PCDHA12: variants seen among roughly 807,000 people sequenced by gnomAD.
PCDHA12 encodes the protein protocadherin alpha 12.
Under a neutral mutation model 60.0 loss-of-function variants are expected in PCDHA12, and 44 were observed. That is an observed-to-expected ratio of 0.73 (90% CI 0.58 to 0.94). The LOEUF is 0.94. Ranked by LOEUF, PCDHA12 falls within the 40% of genes least tolerant of loss-of-function variation. PCDHA12 has a pLI of 0.00. For missense variants in PCDHA12, 1,276 were observed against 1,239.7 expected, an observed-to-expected ratio of 1.03 and a Z score of -0.44; for synonymous variants, 569 against 553.0, an observed-to-expected ratio of 1.03 and a Z score of -0.40.
intron 1 of PCDHA12, among the ~76,000 whole-genome samples, chr5:140,898,222 T>G (rs1373386970): frequency 1.3e-5 from 2 of 152,230 alleles, no homozygotes; most frequent in Non-Finnish European, 2.9e-5. Flanking sequence ...TTTTGGCTTT[T>G]GTTGCCATTG....
intron 1 of PCDHA12, among the ~76,000 whole-genome samples, chr5:140,960,799 A>C (rs2095571237): frequency 6.6e-6 from 1 of 152,170 alleles, no homozygotes; most frequent in Non-Finnish European, 1.5e-5. Flanking sequence ...TTTCTATTAA[A>C]ATAAGAGGTC....
intron 1 of PCDHA12, among the ~76,000 whole-genome samples, chr5:140,922,956 T>G (rs2081088317): frequency 6.6e-6 from 1 of 152,236 alleles, no homozygotes; most frequent in Non-Finnish European, 1.5e-5. Context: ...CCAGTTTGTC[T>G]TCAGCCAGTG....
At chr5:140,928,696 C>A in intron 1 of PCDHA12, 2 of 1,614,146 alleles carry the variant, frequency 1.2e-6, no homozygotes, top group South Asian at 2.2e-5. Flanking sequence ...CCACATCTCC[C>A]GGGCGTCTGA....
intron 1 of PCDHA12, among the ~76,000 whole-genome samples, chr5:140,895,035 C>T (rs1235775113): frequency 6.6e-6 from 1 of 152,104 alleles, no homozygotes; most frequent in East Asian, 1.9e-4. Context: ...AATTGTCCCC[C>T]ACCCACACCA....
At chr5:141,009,391 C>T (rs1006846075) in intron 3 of PCDHA12, among the ~76,000 whole-genome samples, 1 of 152,086 alleles carries the variant, frequency 6.6e-6, no homozygotes, top group Non-Finnish European at 1.5e-5. Context: ...CACAGGAGGT[C>T]GAGGCTGCAG....
intron 1 of PCDHA12, chr5:140,968,772 C>T (rs782257554): frequency 1.2e-6 from 2 of 1,614,180 alleles, no homozygotes; most frequent in South Asian, 1.1e-5. Context: ...GGAGAGCCAT[C>T]ACTATCAGCC....
chr5:140,982,678 C>T (rs781968397), intron 3 of PCDHA12, 115 bp downstream of exon 3: 29 of 1,438,778 alleles, frequency 2.0e-5, no homozygotes, highest in Non-Finnish European at 2.6e-5. Context: ...TTTGTTATTC[C>T]CTTTTTTCCA....
intron 1 of PCDHA12, chr5:140,884,824 T>C: frequency 1.0e-6 from 1 of 993,590 alleles, no homozygotes; most frequent in Non-Finnish European, 1.4e-6. Context: ...ACATTATGTG[T>C]TGGATTATCC....
At chr5:140,944,846 G>A (rs269554) in intron 1 of PCDHA12, among the ~76,000 whole-genome samples, 33,882 of 151,952 alleles carry the variant, frequency 0.22, 4,860 homozygotes, top group African/African-American at 0.41. Context: ...TGAGATATTA[G>A]AATCATCCTT....
chr5:140,917,131 G>A (rs572644426), intron 1 of PCDHA12, among the ~76,000 whole-genome samples: 28 of 152,190 alleles, frequency 1.8e-4, no homozygotes, highest in African/African-American at 5.8e-4. Context: ...GACTCCCCAC[G>A]TTGCTCAGCT....
chr5:140,896,410 T>C (rs1554186951), intron 1 of PCDHA12, among the ~76,000 whole-genome samples: 1 of 152,154 alleles, frequency 6.6e-6, no homozygotes, highest in Non-Finnish European at 1.5e-5. Context: ...TTTTGACTTT[T>C]TAGTAATAGC....
intron 1 of PCDHA12, among the ~76,000 whole-genome samples, chr5:140,965,230 C>T (rs2095881666): frequency 6.6e-6 from 1 of 152,126 alleles, no homozygotes; most frequent in Non-Finnish European, 1.5e-5. Flanking sequence ...ATGTGAGAAC[C>T]TGGGAAGAGT....
At chr5:141,001,702 G>C (rs2098033163) in intron 3 of PCDHA12, among the ~76,000 whole-genome samples, 1 of 152,194 alleles carries the variant, frequency 6.6e-6, no homozygotes, top group Non-Finnish European at 1.5e-5. Flanking sequence ...GGCGAAATAG[G>C]GGGCGGGGAA....
At chr5:140,955,654 AT>A (rs1264049969) in intron 1 of PCDHA12, among the ~76,000 whole-genome samples, 1 of 152,208 alleles carries the variant, frequency 6.6e-6, no homozygotes, top group Non-Finnish European at 1.5e-5. Flanking sequence ...TAATACACAT[AT>A]GAATTTTAAC....
intron 1 of PCDHA12, among the ~76,000 whole-genome samples, chr5:140,936,994 TA>T (rs1472246875): frequency 6.6e-6 from 1 of 152,140 alleles, no homozygotes; most frequent in Non-Finnish European, 1.5e-5. Context: ...ACATTGACAA[TA>T]TTGAGACAGA....
At chr5:141,006,105 G>GT (rs79904017) in intron 3 of PCDHA12, among the ~76,000 whole-genome samples, 4,283 of 143,138 alleles carry the variant, frequency 0.03, 125 homozygotes, top group African/African-American at 0.081. Flanking sequence ...ATGGTAAGGA[G>GT]TTTTTTTTTT....
At chr5:140,904,570 G>T (rs1377408350) in intron 1 of PCDHA12, among the ~76,000 whole-genome samples, 1 of 151,378 alleles carries the variant, frequency 6.6e-6, no homozygotes, top group African/African-American at 2.4e-5. Context: ...TTTTCCTCTG[G>T]GTAGACACCC....
chr5:140,928,795 G>T, intron 1 of PCDHA12: 1 of 1,614,152 alleles, frequency 6.2e-7, no homozygotes, highest in South Asian at 1.1e-5. Flanking sequence ...GCAGAGGGTG[G>T]TGGTAGTGGT....
chr5:140,971,778 G>T (rs1346530602), intron 1 of PCDHA12, among the ~76,000 whole-genome samples: 1 of 151,860 alleles, frequency 6.6e-6, no homozygotes, highest in Admixed American at 6.6e-5. Flanking sequence ...TATTATTCAA[G>T]ATTATTCAAT....
Sources: gnomAD v4.1 joint callset for allele counts (sites outside exome capture counted in the v4.1 genomes callset) on GRCh38, gnomAD v4.1.1 for gene constraint, MANE v1.5 for transcripts, NCBI Gene and HGNC (gene_info 2026-07-23, HGNC 2026-07-21) for gene names.